NIBAN1: variants seen among roughly 807,000 people sequenced by gnomAD.
NIBAN1 encodes protein Niban 1.
In NIBAN1, 81 loss-of-function variants were observed where a neutral mutation model predicts 75.1. That is an observed-to-expected ratio of 1.08 (90% CI 0.90 to 1.30). The LOEUF (loss-of-function observed/expected upper bound fraction) is 1.30, where lower values mean the gene tolerates loss of function less well. Among genes scored for constraint, NIBAN1 ranks in the 50% most tolerant of loss-of-function variants. The pLI, the probability that NIBAN1 is intolerant of heterozygous loss-of-function variation, is 0.00. For missense variants in NIBAN1, 1,133 were observed against 1,128.1 expected (o/e 1.00, Z -0.06); for synonymous variants, 436 against 424.8 (o/e 1.03, Z -0.32).
intron 4 of NIBAN1, among the ~76,000 whole-genome samples, chr1:184,886,513 CT>C (rs1278868787): frequency 1.3e-5 from 2 of 152,188 alleles, no homozygotes; most frequent in Admixed American, 1.3e-4. Flanking sequence ...GACAATGGGA[CT>C]TTTACCTCTT....
intron 1 of NIBAN1, among the ~76,000 whole-genome samples, chr1:184,912,507 G>A (rs113856389): frequency 6.6e-6 from 1 of 152,026 alleles, no homozygotes; most frequent in African/African-American, 2.4e-5. Context: ...AGGAATTCTC[G>A]GTACTGTCCC....
chr1:184,832,261 G>T (rs573791285), intron 5 of NIBAN1, among the ~76,000 whole-genome samples: 10 of 152,164 alleles, frequency 6.6e-5, no homozygotes, highest in African/African-American at 2.2e-4. Context: ...CCACCCACAG[G>T]CACCCAGCGC....
At chr1:184,824,073 A>G (rs1222528696) in intron 6 of NIBAN1, among the ~76,000 whole-genome samples, 1 of 152,240 alleles carries the variant, frequency 6.6e-6, no homozygotes, top group East Asian at 1.9e-4. Flanking sequence ...GAAAGAGTTC[A>G]ATAATGGATA....
chr1:184,821,258 T>C (rs1654690597), intron 8 of NIBAN1, among the ~76,000 whole-genome samples: 1 of 152,194 alleles, frequency 6.6e-6, no homozygotes, highest in Non-Finnish European at 1.5e-5. Flanking sequence ...CCAAGAGTCA[T>C]ATGGGAGGAA....
rs141660659 is a variant in NIBAN1, at chr1:184,891,077, A to G, written c.319-855T>C. Among the ~76,000 whole-genome samples, 24 of 152,374 alleles carry G rather than the reference A, an allele frequency of 1.6e-4. No individual in the cohort carries two copies. The East Asian group carries it at 4.6e-3, about 29-fold the overall frequency. ...ATGACTAAATAATGTTGATCTGACC[A>G]ACATAATCAGAGTAACGATAACACG... On this transcript the variant is annotated intron_variant, in intron 3 of 13. Transcript: ENST00000367511.
chr1:184,805,867 T>G (rs1654182191), intron 11 of NIBAN1, 79 bp downstream of exon 11: 1 of 1,104,474 alleles, frequency 9.1e-7, no homozygotes, highest in Non-Finnish European at 1.4e-6. Flanking sequence ...AGGAGAGAAC[T>G]TGGTATTTTC....
At chr1:184,824,644 G>T (rs866250803) in intron 6 of NIBAN1, among the ~76,000 whole-genome samples, 1 of 152,196 alleles carries the variant, frequency 6.6e-6, no homozygotes, top group Non-Finnish European at 1.5e-5. Context: ...AAGTGTGTGC[G>T]TTTTTGATAA....
intron 1 of NIBAN1, among the ~76,000 whole-genome samples, chr1:184,925,480 C>G (rs1290635045): frequency 6.6e-6 from 1 of 152,062 alleles, no homozygotes; most frequent in African/African-American, 2.4e-5. Context: ...TTTTGGTCTT[C>G]TCTTCCTTCT....
chr1:184,951,712 A>G (rs1232412832), intron 1 of NIBAN1, among the ~76,000 whole-genome samples: 1 of 151,906 alleles, frequency 6.6e-6, no homozygotes, highest in East Asian at 1.9e-4. Flanking sequence ...CCTACAGTCT[A>G]TTCTCTACAC....
intron 6 of NIBAN1, among the ~76,000 whole-genome samples, chr1:184,827,791 T>C (rs1032952882): frequency 2.6e-5 from 4 of 151,888 alleles, no homozygotes; most frequent in African/African-American, 9.7e-5. Flanking sequence ...CCCTCCTTCC[T>C]GAAGCAGGCC....
chr1:184,892,934 G>A (rs1429045320), intron 3 of NIBAN1, among the ~76,000 whole-genome samples: 2 of 152,044 alleles, frequency 1.3e-5, no homozygotes. Context: ...AGCATGCCCA[G>A]CTAATTTTTG....
chr1:184,799,314 T>C (rs1418462516), intron 12 of NIBAN1, among the ~76,000 whole-genome samples: 1 of 150,332 alleles, frequency 6.7e-6, no homozygotes, highest in Non-Finnish European at 1.5e-5. Flanking sequence ...GTTCTTGCGA[T>C]AGTTTACTGA....
chr1:184,879,620 T>A (rs186513095), intron 5 of NIBAN1, among the ~76,000 whole-genome samples: 12 of 152,292 alleles, frequency 7.9e-5, no homozygotes, highest in Admixed American at 6.5e-4. Context: ...CAAAAAGGAT[T>A]TGCTCTGTCT....
chr1:184,872,196 A>C (rs1221765928), intron 5 of NIBAN1, among the ~76,000 whole-genome samples: 2 of 152,186 alleles, frequency 1.3e-5, no homozygotes, highest in Admixed American at 6.5e-5. Context: ...TTGGAAATAT[A>C]AGTAAAAAGA....
chr1:184,838,371 C>A (rs1026118693), intron 5 of NIBAN1, among the ~76,000 whole-genome samples: 1 of 152,078 alleles, frequency 6.6e-6, no homozygotes, highest in Non-Finnish European at 1.5e-5. Flanking sequence ...TGTTTCTGGC[C>A]AACTCAACGA....
At chr1:184,973,570 A>T (rs1292812935) in intron 1 of NIBAN1, among the ~76,000 whole-genome samples, 1 of 151,972 alleles carries the variant, frequency 6.6e-6, no homozygotes, top group African/African-American at 2.4e-5. Flanking sequence ...ACGAGTCAGG[A>T]CTTCCTGCAG....
intron 5 of NIBAN1, among the ~76,000 whole-genome samples, chr1:184,840,174 C>T (rs1655245490): frequency 1.3e-5 from 2 of 152,168 alleles, no homozygotes; most frequent in African/African-American, 2.4e-5. Context: ...ACATGACCAA[C>T]CTAAGCAAAT....
At chr1:184,969,242 A>G (rs1658874187) in intron 1 of NIBAN1, among the ~76,000 whole-genome samples, 1 of 152,238 alleles carries the variant, frequency 6.6e-6, no homozygotes. Context: ...AAGGGGATTT[A>G]GTGGCTCTCA....
At chr1:184,845,970 C>G (rs1438641035) in intron 5 of NIBAN1, among the ~76,000 whole-genome samples, 1 of 81,338 alleles carries the variant, frequency 1.2e-5, no homozygotes, top group Non-Finnish European at 2.5e-5. Context: ...CTCAGAGGGT[C>G]CTACGCCCAC....
Sources: gnomAD v4.1 joint callset for allele counts (sites outside exome capture counted in the v4.1 genomes callset) on GRCh38, gnomAD v4.1.1 for gene constraint, MANE v1.5 for transcripts, NCBI Gene and HGNC (gene_info 2026-07-23, HGNC 2026-07-21) for gene names.